The following AP3B1 variants were observed in gnomAD, a reference collection of about 807,000 sequenced individuals.
AP3B1 encodes the protein adaptor related protein complex 3 subunit beta 1, also known as AP-3 complex subunit beta-1.
In AP3B1, 61 loss-of-function variants were observed where a neutral mutation model predicts 132.5. The ratio of observed to expected loss-of-function variants is 0.46; its 90% CI spans 0.37 to 0.57. AP3B1 has a LOEUF of 0.57. AP3B1 is among the 20% of genes least tolerant of loss of function. AP3B1 has a pLI of 0.00. For synonymous variants in AP3B1, 388 were observed against 438.3 expected (o/e 0.89, Z 1.43); for missense variants, 1,120 against 1,289.4 (o/e 0.87, Z 2.01).
chr5:78,174,950 G>A (rs191859018), intron 11 of AP3B1, among the ~76,000 whole-genome samples: 1 of 152,262 alleles, frequency 6.6e-6, no homozygotes, highest in African/African-American at 2.4e-5. Flanking sequence ...CCCAAGCCAG[G>A]CTGCTGCCTC....
chr5:78,290,507 CTAAT>C (rs771002737), intron 1 of AP3B1, among the ~76,000 whole-genome samples: 2 of 151,802 alleles, frequency 1.3e-5, no homozygotes, highest in African/African-American at 4.9e-5. Context: ...AAATTAATTC[CTAAT>C]TAAATGTTTA....
intron 21 of AP3B1, among the ~76,000 whole-genome samples, chr5:78,090,391 G>A (rs1220328100): frequency 6.6e-6 from 1 of 152,194 alleles, no homozygotes; most frequent in Admixed American, 6.5e-5. Flanking sequence ...GCATTGTTAT[G>A]CACTAGCTCT....
intron 26 of AP3B1, among the ~76,000 whole-genome samples, chr5:78,005,281 G>T (rs1393054023): frequency 1.3e-5 from 2 of 152,170 alleles, no homozygotes; most frequent in Non-Finnish European, 2.9e-5. Context: ...CCATAGAGAA[G>T]GAGATTATGC....
chr5:78,081,543 C>T (rs1220499889), intron 22 of AP3B1, among the ~76,000 whole-genome samples: 6 of 151,960 alleles, frequency 3.9e-5, no homozygotes, highest in African/African-American at 1.2e-4. Flanking sequence ...GTGATCCGCC[C>T]GCCTCGGCCT....
chr5:78,008,537 T>A (rs138145699), intron 26 of AP3B1, among the ~76,000 whole-genome samples: 1 of 152,266 alleles, frequency 6.6e-6, no homozygotes, highest in Non-Finnish European at 1.5e-5. Context: ...AGCAGTCAGA[T>A]AAAAATGCAG....
intron 7 of AP3B1, among the ~76,000 whole-genome samples, chr5:78,182,082 CAT>C (rs1744396028): frequency 6.6e-6 from 1 of 152,084 alleles, no homozygotes. Context: ...TGAATAGTAA[CAT>C]AAAAGAAATC....
At chr5:78,046,780 G>T (rs1748351834) in intron 22 of AP3B1, among the ~76,000 whole-genome samples, 1 of 151,868 alleles carries the variant, frequency 6.6e-6, no homozygotes, top group Non-Finnish European at 1.5e-5. Flanking sequence ...GTATACACGT[G>T]CCAAGGTGGT....
intron 3 of AP3B1, among the ~76,000 whole-genome samples, chr5:78,240,405 A>G (rs1460343697): frequency 6.6e-6 from 1 of 152,224 alleles, no homozygotes; most frequent in Non-Finnish European, 1.5e-5. Context: ...AAATCCACAT[A>G]TATGTACTGA....
rs2112027613 is a variant in AP3B1, at chr5:78,002,727, T to A, written c.*175A>T. 1 of 746,458 alleles carries A rather than the reference T, an allele frequency of 1.3e-6. No individual in the cohort carries two copies. The allele number at this position is 746,458 out of a possible 1,614,324, so 46.2% of individuals were successfully genotyped here. ...GTTAGCAAAGCAAAAAGGGGGAAAG[T>A]ATTGCATACATGATAGATACACACT... On this transcript the variant is annotated 3_prime_UTR_variant, in exon 27 of 27. Coordinates refer to ENST00000255194, the MANE Select transcript of AP3B1 (RefSeq NM_003664.5).
At chr5:78,146,997 C>A (rs1753429439) in intron 14 of AP3B1, among the ~76,000 whole-genome samples, 1 of 151,890 alleles carries the variant, frequency 6.6e-6, no homozygotes. Context: ...ATTATCTGTT[C>A]AAGAGATATA....
At chr5:78,273,404 C>G (rs1269333932) in intron 1 of AP3B1, among the ~76,000 whole-genome samples, 2 of 151,962 alleles carry the variant, frequency 1.3e-5, no homozygotes, top group Non-Finnish European at 2.9e-5. Context: ...CTATCTCTCT[C>G]AAGGGAAAAA....
At chr5:78,209,734 G>A (rs1745656760) in intron 7 of AP3B1, among the ~76,000 whole-genome samples, 1 of 152,130 alleles carries the variant, frequency 6.6e-6, no homozygotes, top group Non-Finnish European at 1.5e-5. Flanking sequence ...CTCACACACA[G>A]AAGGGAAAAG....
At chr5:78,119,791 C>T (rs898577885) in intron 17 of AP3B1, among the ~76,000 whole-genome samples, 21 of 152,238 alleles carry the variant, frequency 1.4e-4, no homozygotes, top group African/African-American at 4.8e-4. Flanking sequence ...GGAGAACTTC[C>T]CCAATCTAGC....
intron 22 of AP3B1, among the ~76,000 whole-genome samples, chr5:78,067,952 C>CA (rs557591388): frequency 1.6e-5 from 2 of 126,524 alleles, no homozygotes; most frequent in African/African-American, 3.2e-5. Context: ...AAAAACCCTT[C>CA]GAAAAAAAAA....
At chr5:78,058,371 G>T (rs539928244) in intron 22 of AP3B1, among the ~76,000 whole-genome samples, 1 of 152,140 alleles carries the variant, frequency 6.6e-6, no homozygotes, top group African/African-American at 2.4e-5. Context: ...GTGGTGGCAG[G>T]CACCTGTAAC....
In AP3B1 at chr5:78,005,862, A is replaced by G. The variant is rs931884439; in HGVS notation, c.3132-2807T>C. ...CAGGCTATGCTTCAACATACATGCA[A>G]AAAATAGTTATGGAAAGAGTACTAA... On this transcript the variant is annotated intron_variant, in intron 26 of 26. Transcript: ENST00000255194. 7.9e-5 allele frequency among the ~76,000 whole-genome samples: 12 copies of G among 152,326 alleles called. 1 individual carries two copies. The highest frequency in any genetic ancestry group is 3.9e-4 in the Admixed American group (6 of 15,302).
chr5:78,034,521 G>A, intron 23 of AP3B1, 76 bp from the exon 24 acceptor site: 1 of 1,106,572 alleles, frequency 9.0e-7, no homozygotes, highest in South Asian at 1.3e-5. Context: ...GAAAATTTAG[G>A]TAATGTTTGT....
intron 8 of AP3B1, among the ~76,000 whole-genome samples, chr5:78,180,699 A>G (rs748627390): frequency 1.3e-5 from 2 of 151,986 alleles, no homozygotes; most frequent in Non-Finnish European, 2.9e-5. Context: ...GTACAGTATG[A>G]TTTTTATCTT....
At chr5:78,044,532 G>A (rs925466315) in intron 22 of AP3B1, among the ~76,000 whole-genome samples, 2 of 152,058 alleles carry the variant, frequency 1.3e-5, no homozygotes, top group Admixed American at 6.5e-5. Context: ...ATATAATATC[G>A]GGGAAAGAAA....
Sources: gnomAD v4.1 joint callset for allele counts (sites outside exome capture counted in the v4.1 genomes callset) on GRCh38, gnomAD v4.1.1 for gene constraint, MANE v1.5 for transcripts, NCBI Gene and HGNC (gene_info 2026-07-23, HGNC 2026-07-21) for gene names.